The following DOCK4 variants were observed in gnomAD, a reference collection of about 807,000 sequenced individuals.
DOCK4 encodes dedicator of cytokinesis 4, also known as dedicator of cytokinesis protein 4.
Under a neutral mutation model 268.1 loss-of-function variants are expected in DOCK4, and 97 were observed. The observed-to-expected ratio is 0.36, with a 90% confidence interval of 0.31 to 0.43. DOCK4 has a LOEUF of 0.43. Among genes scored for constraint, DOCK4 ranks in the 20% least tolerant of loss-of-function variants. DOCK4 has a pLI of 1.00. For synonymous variants in DOCK4, 954 were observed against 887.2 expected (o/e 1.08, Z -1.34); for missense variants, 2,145 against 2,455.7 (o/e 0.87, Z 2.67).
intron 49 of DOCK4, among the ~76,000 whole-genome samples, chr7:111,738,410 G>T (rs1339663903): frequency 1.3e-5 from 2 of 152,226 alleles, no homozygotes; most frequent in Non-Finnish European, 2.9e-5. Context: ...ATAGGTCTAG[G>T]CAAAGGCAAA....
chr7:111,839,016 A>C (rs1803461420), intron 25 of DOCK4, among the ~76,000 whole-genome samples: 1 of 152,182 alleles, frequency 6.6e-6, no homozygotes. Flanking sequence ...TTTCACTTTA[A>C]AGAAAAGATA....
rs192351936 is a variant in DOCK4, at chr7:111,886,066, T to C, written c.1588-8880A>G. 1.2e-4 allele frequency among the ~76,000 whole-genome samples: 19 copies of C among 152,226 alleles called. No individual in the cohort carries two copies. The East Asian group carries it at 3.5e-3, about 28-fold the overall frequency. Reference sequence around the variant, plus strand: ...TTCCAGAAGTGTGATATTTGAGTTATACAAGATATATGATTGAGAGATCCA... The same window carrying C: ...TTCCAGAAGTGTGATATTTGAGTTACACAAGATATATGATTGAGAGATCCA... On this transcript the variant is annotated intron_variant, in intron 16 of 52. Transcript: ENST00000428084.
intron 1 of DOCK4, among the ~76,000 whole-genome samples, chr7:112,156,765 C>T (rs1816648892): frequency 6.6e-6 from 1 of 152,090 alleles, no homozygotes; most frequent in Non-Finnish European, 1.5e-5. Context: ...CACACACACA[C>T]AAATTATTCA....
intron 44 of DOCK4, among the ~76,000 whole-genome samples, chr7:111,745,683 TAAAAAAAA>T (rs781530065): frequency 0.025 from 1,263 of 49,614 alleles, 24 homozygotes; most frequent in Middle Eastern, 0.13. Flanking sequence ...GACTCCGTCT[TAAAAAAAA>T]AAAAAAAAAA....
At chr7:112,061,123 C>T (rs1806346803) in intron 1 of DOCK4, among the ~76,000 whole-genome samples, 1 of 152,082 alleles carries the variant, frequency 6.6e-6, no homozygotes, top group Non-Finnish European at 1.5e-5. Flanking sequence ...AAAACTACTC[C>T]CCCTCTTCTC....
In DOCK4 at chr7:111,991,823, G is replaced by A. The variant is rs376566988; in HGVS notation, c.315+2312C>T. Among the ~76,000 whole-genome samples the A allele has an allele frequency of 2.6e-4, 39 of 151,968 alleles. 1 individual carries two copies. The highest frequency in any genetic ancestry group is 1.4e-3 in the East Asian group (7 of 5,140). ...AAAAATACAAAAAAATTAGCCAGGC[G>A]TGATGGTGGTAGCTGTAGTCCCAGC... On this transcript the variant is annotated intron_variant, in intron 5 of 52. Coordinates refer to ENST00000428084, the MANE Select transcript of DOCK4 (RefSeq NM_001363540.2).
intron 12 of DOCK4, among the ~76,000 whole-genome samples, chr7:111,922,980 C>T (rs1457711820): frequency 6.6e-6 from 1 of 152,110 alleles, no homozygotes; most frequent in Non-Finnish European, 1.5e-5. Context: ...TTATTTTATT[C>T]CCCCTTTTAA....
intron 12 of DOCK4, among the ~76,000 whole-genome samples, chr7:111,925,984 A>G (rs1035487573): frequency 2.7e-5 from 4 of 149,914 alleles, no homozygotes; most frequent in Non-Finnish European, 5.9e-5. Context: ...AGTTCCAGCT[A>G]TTCAGGAGGC....
At position 112,153,400 on chromosome 7, in the gene DOCK4, T is replaced by C. The variant is rs1586932354; in HGVS notation, c.37+52702A>G. On this transcript the variant is annotated intron_variant, in intron 1 of 52. Transcript: ENST00000428084. ...GTAGACAAAATTAAATTTAGTTCCA[T>C]GTCCACCAGCTGCTACACTTTACAT... 2.0e-5 allele frequency among the ~76,000 whole-genome samples: 3 copies of C among 152,198 alleles called. No individual in the cohort carries two copies. In the South Asian group the frequency reaches 6.2e-4, roughly 32 times the overall value.
chr7:112,032,415 G>T (rs1298782794), intron 1 of DOCK4, among the ~76,000 whole-genome samples: 4 of 152,160 alleles, frequency 2.6e-5, no homozygotes, highest in African/African-American at 4.8e-5. Context: ...AAATGGATTA[G>T]ATTTTTAGGA....
intron 1 of DOCK4, among the ~76,000 whole-genome samples, chr7:112,158,784 T>C (rs577761847): frequency 2.2e-4 from 34 of 152,328 alleles, no homozygotes; most frequent in African/African-American, 8.2e-4. Flanking sequence ...TTTAATGAGC[T>C]TCTCAATTGT....
At chr7:111,845,029 C>A (rs1803987414) in intron 24 of DOCK4, 132 bp from the exon 25 acceptor site, 9 of 1,277,474 alleles carry the variant, frequency 7.0e-6, no homozygotes, top group African/African-American at 6.0e-5. Flanking sequence ...TCTCCTTTTA[C>A]AGTAAACAAA....
intron 8 of DOCK4, among the ~76,000 whole-genome samples, chr7:111,972,854 C>T (rs1027919171): frequency 3.3e-5 from 5 of 151,024 alleles, no homozygotes; most frequent in African/African-American, 9.7e-5. Context: ...TGAAGAAGTT[C>T]TTTAGTAGTG....
At chr7:111,872,400 T>C in intron 18 of DOCK4, 48 bp from the exon 19 acceptor site, 1 of 1,528,864 alleles carries the variant, frequency 6.5e-7, no homozygotes, top group Non-Finnish European at 8.9e-7. Flanking sequence ...ACTATCTGTC[T>C]TTTTCCTCCA....
At chr7:111,873,205 G>A (rs1562829615) in intron 17 of DOCK4, among the ~76,000 whole-genome samples, 2 of 152,218 alleles carry the variant, frequency 1.3e-5, no homozygotes, top group Non-Finnish European at 2.9e-5. Context: ...GATAAGCACA[G>A]GGCCCAGCTC....
intron 12 of DOCK4, among the ~76,000 whole-genome samples, chr7:111,933,292 ATATATATT>A (rs1448015831): frequency 2.5e-5 from 3 of 118,734 alleles, no homozygotes; most frequent in Non-Finnish European, 5.2e-5. Flanking sequence ...ATATATATAT[ATATATATT>A]TTTTTTTTTT....
intron 1 of DOCK4, among the ~76,000 whole-genome samples, chr7:112,116,204 G>A (rs1477293731): frequency 2.0e-5 from 3 of 151,750 alleles, no homozygotes; most frequent in Non-Finnish European, 4.4e-5. Context: ...CCACTAACCT[G>A]CTTTCTGTCT....
chr7:111,746,251 C>T (rs1318597653), intron 44 of DOCK4, 83 bp downstream of exon 44: 6 of 1,105,102 alleles, frequency 5.4e-6, no homozygotes, highest in Non-Finnish European at 8.0e-6. Flanking sequence ...ACCACTGATG[C>T]AGGAAACCAT....
chr7:111,872,858 T>C (rs1399895389), intron 17 of DOCK4, among the ~76,000 whole-genome samples: 1 of 152,236 alleles, frequency 6.6e-6, no homozygotes, highest in Non-Finnish European at 1.5e-5. Context: ...TAACTGTCCC[T>C]TCTACATGCT....
Sources: allele counts gnomAD v4.1 joint callset (sites outside exome capture counted in the v4.1 genomes callset), GRCh38; gene constraint gnomAD v4.1.1; transcripts MANE v1.5; gene names NCBI Gene and HGNC (gene_info 2026-07-23, HGNC 2026-07-21).